Variants in ARAP2 observed in about 807,000 individuals in gnomAD.
ARAP2 encodes arf-GAP with Rho-GAP domain, ANK repeat and PH domain-containing protein 2.
Under a neutral mutation model 194.5 loss-of-function variants are expected in ARAP2, and 148 were observed. The observed-to-expected ratio is 0.76, with a 90% CI of 0.67 to 0.87. ARAP2 has a LOEUF of 0.87. Among genes scored for constraint, ARAP2 ranks in the 40% least tolerant of loss-of-function variants. The probability of loss-of-function intolerance (pLI) is 0.00; values close to 1 mark genes in which losing one functional copy is unlikely to be tolerated. For synonymous variants in ARAP2, 695 were observed against 683.5 expected, an observed-to-expected ratio of 1.02 and a Z score of -0.26; for missense variants, 2,128 against 1,989.7, an observed-to-expected ratio of 1.07 and a Z score of -1.32.
chr4:36,015,202 T>G (rs949913563), intron 8 of ARAP2, among the ~76,000 whole-genome samples: 5 of 152,348 alleles, frequency 3.3e-5, no homozygotes, highest in African/African-American at 1.2e-4. Context: ...TCTGAAATCA[T>G]TCCTCTGATA....
At chr4:36,166,911 A>G (rs1418850464) in intron 10 of ARAP2, 21 bp downstream of exon 10, 2 of 1,490,786 alleles carry the variant, frequency 1.3e-6, no homozygotes, top group Non-Finnish European at 9.2e-7. Flanking sequence ...TACGAACACA[A>G]AATGTTTAAA....
intron 9 of ARAP2, chr4:36,007,161 T>A (rs1269205763): frequency 6.6e-6 from 1 of 152,216 alleles, no homozygotes; most frequent in Non-Finnish European, 1.5e-5. Context: ...AAAATGTATT[T>A]AGCTTGATAC....
At chr4:36,073,429 C>T (rs571490886) in intron 32 of ARAP2, among the ~76,000 whole-genome samples, 57 of 152,072 alleles carry the variant, frequency 3.7e-4, no homozygotes, top group African/African-American at 1.2e-3. Context: ...AATTTCTATA[C>T]GCATATTTTA....
chr4:36,161,619 G>C, intron 11 of ARAP2, 69 bp from the exon 12 acceptor site: 1 of 1,299,718 alleles, frequency 7.7e-7, no homozygotes, highest in Non-Finnish European at 1.1e-6. Context: ...TGTTTTGAAA[G>C]AAAGTGCATA....
At chr4:36,111,335 T>C (rs937543321) in intron 26 of ARAP2, among the ~76,000 whole-genome samples, 2 of 151,952 alleles carry the variant, frequency 1.3e-5, no homozygotes, top group African/African-American at 2.4e-5. Flanking sequence ...CTTCAACATG[T>C]GGTACACACA....
chr4:36,072,899 A>G (rs1260334917), intron 32 of ARAP2, among the ~76,000 whole-genome samples: 1 of 152,178 alleles, frequency 6.6e-6, no homozygotes, highest in Non-Finnish European at 1.5e-5. Context: ...AAATCTGATC[A>G]CTAGGTTAAA....
Position 36,073,738 on chromosome 4 carries a change from A to G in ARAP2, c.4694T>C (p.Ile1565Thr). 5.6e-6 allele frequency: 9 copies of G among 1,613,360 alleles called. No homozygotes were observed. Among genetic ancestry groups the G allele is most frequent in the Non-Finnish European group, 7.6e-6 (9 of 1,179,464 alleles). Residue 1565 changes from isoleucine to threonine, a missense_variant, in exon 32 of 33, where the codon ATT becomes ACT. Coordinates refer to ENST00000303965, the MANE Select transcript of ARAP2 (RefSeq NM_015230.4). ...KNPKIGGLPLIPIQHEGNATL... is the reference protein window; with the variant it reads ...KNPKIGGLPLTPIQHEGNATL... The stretch of plus-strand genomic sequence containing the variant: ...TGCATTCCCCTCATGCTGTATAGGA[A>G]TCAGAGGCAAACCTCCAATTTTGGG...
chr4:36,108,875 T>C (rs981092427), intron 26 of ARAP2, among the ~76,000 whole-genome samples: 4 of 152,006 alleles, frequency 2.6e-5, no homozygotes, highest in African/African-American at 9.7e-5. Flanking sequence ...AAGATGTCAA[T>C]GCTGCTTTCC....
chr4:36,076,147 A>G (rs1728205176), intron 31 of ARAP2, among the ~76,000 whole-genome samples: 1 of 152,162 alleles, frequency 6.6e-6, no homozygotes, highest in African/African-American at 2.4e-5. Context: ...TTATCCAGTC[A>G]TATCTATAAT....
intron 5 of ARAP2, among the ~76,000 whole-genome samples, chr4:36,025,740 G>A (rs746745086): frequency 6.6e-6 from 1 of 151,572 alleles, no homozygotes; most frequent in Non-Finnish European, 1.5e-5. Flanking sequence ...ATGATTGACA[G>A]TGAGATAATG....
intron 25 of ARAP2, among the ~76,000 whole-genome samples, chr4:36,114,763 C>G (rs538106250): frequency 5.7e-4 from 86 of 151,866 alleles, no homozygotes; most frequent in Non-Finnish European, 9.3e-4. Flanking sequence ...CCCTGCCATG[C>G]CAAGTGACAG....
At chr4:36,237,201 T>C (rs945820252) in intron 1 of ARAP2, among the ~76,000 whole-genome samples, 7 of 152,230 alleles carry the variant, frequency 4.6e-5, no homozygotes, top group African/African-American at 1.4e-4. Context: ...ACAGCTGATA[T>C]AAGGCAACAA....
chr4:36,094,833 T>C (rs566060000), intron 27 of ARAP2, among the ~76,000 whole-genome samples: 3 of 152,274 alleles, frequency 2.0e-5, no homozygotes, highest in Admixed American at 6.5e-5. Context: ...TATAATTTTA[T>C]AGATGTAGAA....
At chr4:36,073,555 A>T (rs1212922537) in intron 32 of ARAP2, 134 bp downstream of exon 32, 20 of 1,052,738 alleles carry the variant, frequency 1.9e-5, no homozygotes, top group Non-Finnish European at 2.6e-5. Context: ...GCTGTATGTG[A>T]TTATTACCAT....
intron 11 of ARAP2, among the ~76,000 whole-genome samples, chr4:36,162,894 A>C (rs971179991): frequency 1.3e-5 from 2 of 152,192 alleles, no homozygotes; most frequent in Non-Finnish European, 2.9e-5. Context: ...AGGAAGAGTC[A>C]AGAAGGTGTC....
At chr4:36,020,088 G>A (rs147822458) in intron 5 of ARAP2, among the ~76,000 whole-genome samples, 1 of 152,242 alleles carries the variant, frequency 6.6e-6, no homozygotes, top group East Asian at 1.9e-4. Context: ...AATAAGGGTG[G>A]CTTAAACACA....
At chr4:36,230,357 A>T (rs1041579060) in intron 1 of ARAP2, among the ~76,000 whole-genome samples, 2 of 152,228 alleles carry the variant, frequency 1.3e-5, no homozygotes, top group African/African-American at 2.4e-5. Context: ...TCTTTCAAAT[A>T]CTTAAAAAGC....
At chr4:36,125,077 G>T in intron 21 of ARAP2, 110 bp from the exon 22 acceptor site, 1 of 618,382 alleles carries the variant, frequency 1.6e-6, no homozygotes. Flanking sequence ...TTTAATAGGT[G>T]ATACAATCAG....
chr4:36,145,809 G>A (rs566943377), intron 19 of ARAP2, among the ~76,000 whole-genome samples: 19 of 152,022 alleles, frequency 1.2e-4, no homozygotes, highest in Admixed American at 7.9e-4. Flanking sequence ...CTCCGGCTAT[G>A]TCTTCAACTC....
Sources: allele counts gnomAD v4.1 joint callset (sites outside exome capture counted in the v4.1 genomes callset), GRCh38; gene constraint gnomAD v4.1.1; transcripts MANE v1.5; gene names NCBI Gene and HGNC (gene_info 2026-07-23, HGNC 2026-07-21).